Variants in CPEB1 observed in about 807,000 individuals in gnomAD.
The protein encoded by CPEB1 is cytoplasmic polyadenylation element binding protein 1, also known as cytoplasmic polyadenylation element-binding protein 1.
CPEB1 carries 7 observed loss-of-function variants against 65.8 expected under a neutral mutation model. That is an observed-to-expected ratio of 0.11 (90% confidence interval 0.06 to 0.20). The LOEUF is 0.20. CPEB1 is among the 10% of genes least tolerant of loss of function. The pLI, the probability that CPEB1 is intolerant of heterozygous loss-of-function variation, is 1.00. For missense variants in CPEB1, 551 were observed against 712.2 expected (o/e 0.77, Z 2.58); for synonymous variants, 262 against 260.0 (o/e 1.01, Z -0.08).
intron 3 of CPEB1, among the ~76,000 whole-genome samples, chr15:82,586,622 C>T (rs1292934412): frequency 6.6e-6 from 1 of 152,156 alleles, no homozygotes; most frequent in Non-Finnish European, 1.5e-5. Flanking sequence ...TTCAATCAAT[C>T]TGCATGAAAA....
At chr15:82,548,887 T>C in intron 10 of CPEB1, 1 of 303,648 alleles carries the variant, frequency 3.3e-6, no homozygotes, top group Admixed American at 4.5e-5. Flanking sequence ...TCCACCTCCA[T>C]ACCTCATCAT....
chr15:82,642,160 T>C (rs1035469441), intron 1 of CPEB1, among the ~76,000 whole-genome samples: 13 of 152,210 alleles, frequency 8.5e-5, no homozygotes, highest in African/African-American at 3.1e-4. Context: ...TCACAGAAGA[T>C]GAGACGCTCT....
chr15:82,585,771 A>C (rs1345757391), intron 3 of CPEB1, among the ~76,000 whole-genome samples: 3 of 152,134 alleles, frequency 2.0e-5, no homozygotes, highest in Non-Finnish European at 2.9e-5. Context: ...CTTGTCCTCA[A>C]TCCTACTCTC....
intron 3 of CPEB1, among the ~76,000 whole-genome samples, chr15:82,612,776 G>A (rs1021174424): frequency 1.3e-5 from 2 of 152,044 alleles, no homozygotes; most frequent in African/African-American, 4.8e-5. Context: ...GGAGGTTGCA[G>A]TAAGCCAAGA....
At chr15:82,575,546 GA>G (rs1462854809) in intron 3 of CPEB1, among the ~76,000 whole-genome samples, 1 of 152,118 alleles carries the variant, frequency 6.6e-6, no homozygotes, top group Non-Finnish European at 1.5e-5. Context: ...CAATATGTGA[GA>G]AAATACCCAC....
intron 1 of CPEB1, among the ~76,000 whole-genome samples, chr15:82,645,719 T>C (rs1236831373): frequency 6.6e-6 from 1 of 151,656 alleles, no homozygotes; most frequent in Non-Finnish European, 1.5e-5. Context: ...AATACAAAAA[T>C]CAGCCGCGCG....
intron 1 of CPEB1, among the ~76,000 whole-genome samples, chr15:82,644,233 T>G (rs1161938834): frequency 2.6e-5 from 4 of 152,168 alleles, no homozygotes; most frequent in Admixed American, 2.0e-4. Context: ...CCAATGCAGT[T>G]AAGGTTCACT....
intron 3 of CPEB1, among the ~76,000 whole-genome samples, chr15:82,574,722 C>CAAAAAACAAAAAAAA (rs2040463230): frequency 1.9e-5 from 1 of 53,506 alleles, no homozygotes; most frequent in African/African-American, 7.3e-5. Context: ...GACTCGGTCT[C>CAAAAAACAAAAAAAA]AAAAAAAAAA....
chr15:82,571,646 C>G, intron 3 of CPEB1, 114 bp from the exon 4 acceptor site: 1 of 1,462,476 alleles, frequency 6.8e-7, no homozygotes, highest in Non-Finnish European at 9.0e-7. Flanking sequence ...GCCAGACATC[C>G]AAGCTGGCTG....
chr15:82,629,159 T>G, intron 1 of CPEB1: 1 of 516,038 alleles, frequency 1.9e-6, no homozygotes, highest in Non-Finnish European at 2.5e-6. Flanking sequence ...ATTGGCTGTG[T>G]GATATCACAG....
intron 3 of CPEB1, among the ~76,000 whole-genome samples, chr15:82,597,568 A>G (rs1763681839): frequency 6.6e-6 from 1 of 152,226 alleles, no homozygotes; most frequent in Non-Finnish European, 1.5e-5. Context: ...TTATCTGTCT[A>G]GTGAACTTTC....
intron 1 of CPEB1, among the ~76,000 whole-genome samples, chr15:82,639,292 A>C (rs921870321): frequency 6.6e-6 from 1 of 152,238 alleles, no homozygotes; most frequent in East Asian, 1.9e-4. Context: ...ACATTCACTT[A>C]TCTGTACATA....
intron 3 of CPEB1, among the ~76,000 whole-genome samples, chr15:82,585,379 C>T (rs2041709443): frequency 6.6e-6 from 1 of 152,198 alleles, no homozygotes; most frequent in African/African-American, 2.4e-5. Context: ...TCTGGACATT[C>T]CAGCAGATGG....
chr15:82,623,598 C>T (rs959617188), intron 3 of CPEB1, among the ~76,000 whole-genome samples: 1 of 152,130 alleles, frequency 6.6e-6, no homozygotes, highest in African/African-American at 2.4e-5. Context: ...CTCACTTGGA[C>T]CCGGGAGTTG....
chr15:82,594,339 T>G (rs1215854251), intron 3 of CPEB1, among the ~76,000 whole-genome samples: 1 of 150,700 alleles, frequency 6.6e-6, no homozygotes, highest in Non-Finnish European at 1.5e-5. Flanking sequence ...AGACAGCTTC[T>G]TCCCTTAAAC....
chr15:82,624,368 C>T (rs2045572166), intron 3 of CPEB1, among the ~76,000 whole-genome samples: 1 of 152,094 alleles, frequency 6.6e-6, no homozygotes, highest in South Asian at 2.1e-4. Flanking sequence ...ACATCTGAGC[C>T]CCATAAGAAA....
intron 3 of CPEB1, among the ~76,000 whole-genome samples, chr15:82,587,360 A>G (rs1210588965): frequency 1.3e-5 from 2 of 152,242 alleles, no homozygotes; most frequent in Non-Finnish European, 2.9e-5. Flanking sequence ...AAATGCTAAG[A>G]AAGATTTACC....
chr15:82,582,832 C>A (rs142753049), intron 3 of CPEB1, among the ~76,000 whole-genome samples: 74 of 151,166 alleles, frequency 4.9e-4, no homozygotes, highest in African/African-American at 1.7e-3. Flanking sequence ...AGCTCCGCCT[C>A]CCGGGTTCAC....
intron 4 of CPEB1, among the ~76,000 whole-genome samples, chr15:82,562,693 G>A (rs1345221236): frequency 6.6e-6 from 1 of 152,010 alleles, no homozygotes; most frequent in Non-Finnish European, 1.5e-5. Context: ...AAATCAGCCA[G>A]GCATTATGGC....
Sources: allele counts gnomAD v4.1 joint callset (sites outside exome capture counted in the v4.1 genomes callset), GRCh38; gene constraint gnomAD v4.1.1; transcripts MANE v1.5; gene names NCBI Gene and HGNC (gene_info 2026-07-23, HGNC 2026-07-21).